ZCCHC14: variants seen among roughly 807,000 people sequenced by gnomAD.
The protein encoded by ZCCHC14 is zinc finger CCHC-type containing 14.
A neutral mutation model predicts 85.0 loss-of-function variants in ZCCHC14; 16 were observed. The ratio of observed to expected loss-of-function variants is 0.19; its 90% CI spans 0.13 to 0.29. ZCCHC14 has a LOEUF of 0.29. Ranked by LOEUF, ZCCHC14 falls within the 10% of genes least tolerant of loss-of-function variation. The pLI, the probability that ZCCHC14 is intolerant of heterozygous loss-of-function variation, is 1.00. For missense variants in ZCCHC14, 1,303 were observed against 1,443.5 expected, an observed-to-expected ratio of 0.90 and a Z score of 1.58; for synonymous variants, 775 against 630.7, an observed-to-expected ratio of 1.23 and a Z score of -3.43.
In ZCCHC14 at chr16:87,433,891, G is replaced by A. The variant is rs554679797; in HGVS notation, c.695-690C>T. Among the ~76,000 whole-genome samples the A allele has an allele frequency of 1.4e-3, 211 of 151,976 alleles. 2 individuals are homozygous for A. Among genetic ancestry groups the A allele is most frequent in the African/African-American group, 4.5e-3 (187 of 41,436 alleles). On this transcript the variant is annotated intron_variant, in intron 2 of 12. Coordinates refer to ENST00000671377, the MANE Select transcript of ZCCHC14 (RefSeq NM_015144.3). ...ACTCCTGACCTCAGGTGATCCGCCC[G>A]CCTCAGCCTCCCAACGTGCTGGATT...
rs928033798 is a variant in ZCCHC14 at position 87,407,981 on chromosome 16, T to A, written c.*2299A>T. Reference sequence around the variant, plus strand: ...CGACTTCGGACGGCCTCCCTGGAGATGTCACACGCCGCCCATGCACGTTCA... The same window carrying A: ...CGACTTCGGACGGCCTCCCTGGAGAAGTCACACGCCGCCCATGCACGTTCA... On this transcript the variant is annotated 3_prime_UTR_variant, in exon 13 of 13. Transcript: ENST00000671377. 1 of 152,694 alleles carries A rather than the reference T, an allele frequency of 6.5e-6. No homozygotes were observed. The highest frequency in any genetic ancestry group is 1.5e-5 in the Non-Finnish European group (1 of 68,078). 9.5% of individuals were successfully genotyped at this position (152,694 alleles called of 1,614,324 possible). A position where few individuals can be genotyped will look rare whatever the true frequency, so the allele number is the denominator to read the frequency against.
chr16:87,414,610 G>C, intron 9 of ZCCHC14, 69 bp from the exon 10 acceptor site: 1 of 1,534,654 alleles, frequency 6.5e-7, no homozygotes, highest in Non-Finnish European at 8.8e-7. Context: ...GCGGCTTCAA[G>C]ACGGGTCTAC....
At position 87,412,116 on chromosome 16, in the gene ZCCHC14, T is replaced by C; in HGVS notation, c.2605A>G (p.Ser869Gly). The change falls in exon 12 of 13, where the codon AGC becomes GGC. Residue 869 changes from serine (S) to glycine (G), a missense_variant. Transcript: ENST00000671377. ...TLPSCPAPSS[S>G]PALSSVPESS... ...TCAGGGACGGAGGACAGCGCCGGGC[T>C]GGAGCTGGGGGCTGGGCAGCTGGGC... 1 of 1,613,654 alleles carries C rather than the reference T, an allele frequency of 6.2e-7. No individual in the cohort carries two copies. Among genetic ancestry groups the C allele is most frequent in the East Asian group, 2.2e-5 (1 of 44,874 alleles).
chr16:87,430,900 G>T (rs1410147054), intron 3 of ZCCHC14, among the ~76,000 whole-genome samples: 1 of 152,158 alleles, frequency 6.6e-6, no homozygotes, highest in East Asian at 1.9e-4. Context: ...AGCACTTTGG[G>T]AGGCTGAGGC....
chr16:87,450,881 A>C (rs929347648), intron 2 of ZCCHC14, among the ~76,000 whole-genome samples: 2 of 150,536 alleles, frequency 1.3e-5, no homozygotes, highest in Non-Finnish European at 3.0e-5. Flanking sequence ...AGTAGCAAAA[A>C]CAGGAAGTGA....
intron 5 of ZCCHC14, 21 bp from the exon 6 acceptor site, chr16:87,419,898 C>CT: frequency 3.2e-6 from 5 of 1,571,006 alleles, no homozygotes; most frequent in Non-Finnish European, 3.4e-6. Context: ...AACAAGTGGT[C>CT]TTATCAACAT....
At chr16:87,430,679 G>A (rs918741870) in intron 3 of ZCCHC14, among the ~76,000 whole-genome samples, 1 of 151,944 alleles carries the variant, frequency 6.6e-6, no homozygotes, top group African/African-American at 2.4e-5. Flanking sequence ...CCGCCACCGC[G>A]CCCGGCTAAT....
Position 87,412,127 on chromosome 16 carries a change from G to T in ZCCHC14, c.2594C>A (p.Ala865Asp), listed in dbSNP as rs1251303781. The change falls in exon 12 of 13, where the codon GCC (alanine) becomes GAC (aspartate). Residue 865 changes from alanine to aspartate, a missense_variant. By Grantham distance (126) the Ala-to-Asp change is moderately radical (BLOSUM62 -2). This residue lies in a region of ZCCHC14 where 797 missense variants were observed against 730.8 expected (regional missense o/e 1.09). Transcript: ENST00000671377. Reference protein sequence around the residue: ...ANMATLPSCPAPSSSPALSSV... With the variant: ...ANMATLPSCPDPSSSPALSSV... Reference sequence around the variant, plus strand: ...GGACAGCGCCGGGCTGGAGCTGGGGGCTGGGCAGCTGGGCAACGTGGCCAT... The same window carrying T: ...GGACAGCGCCGGGCTGGAGCTGGGGTCTGGGCAGCTGGGCAACGTGGCCAT... The T allele has an allele frequency of 6.2e-7, 1 of 1,613,650 alleles. No individual in the cohort carries two copies. The highest frequency in any genetic ancestry group is 1.3e-5 in the African/African-American group (1 of 74,930).
In ZCCHC14 at chr16:87,412,729, C is replaced by T. The variant is rs767366524; in HGVS notation, c.1992G>A (p.Ser664=). 99 of 1,614,104 alleles carry T rather than the reference C, an allele frequency of 6.1e-5. No individual in the cohort carries two copies. The highest frequency in any genetic ancestry group is 2.5e-4 in the East Asian group (11 of 44,894). Reference sequence around the variant, plus strand: ...GAGACAAAAGTGAGTGCACAGAAGACGAGAGGAGCTTCATGTCCGCGCTCC... The same window carrying T: ...GAGACAAAAGTGAGTGCACAGAAGATGAGAGGAGCTTCATGTCCGCGCTCC... ...ERGSADMKLL[S]SSVHSLLSLE... Residue 664 remains serine, a synonymous_variant, in exon 12 of 13, where the codon TCG becomes TCA. Coordinates refer to ENST00000671377, the MANE Select transcript of ZCCHC14 (RefSeq NM_015144.3).
chr16:87,427,284 C>T (rs1909420385), intron 3 of ZCCHC14, among the ~76,000 whole-genome samples: 1 of 152,222 alleles, frequency 6.6e-6, no homozygotes, highest in Non-Finnish European at 1.5e-5. Context: ...AATCACTGGG[C>T]CCTCTGCTGT....
At chr16:87,442,064 C>A (rs934077477) in intron 2 of ZCCHC14, among the ~76,000 whole-genome samples, 2 of 152,246 alleles carry the variant, frequency 1.3e-5, no homozygotes, top group Non-Finnish European at 2.9e-5. Context: ...CCCCTGGGAA[C>A]TGGAAGTACA....
At chr16:87,445,268 T>C (rs906065822) in intron 2 of ZCCHC14, among the ~76,000 whole-genome samples, 1 of 152,244 alleles carries the variant, frequency 6.6e-6, no homozygotes, top group Non-Finnish European at 1.5e-5. Context: ...GGTTTCACCA[T>C]GTTGACCAGG....
intron 2 of ZCCHC14, among the ~76,000 whole-genome samples, chr16:87,443,882 C>A (rs1910303100): frequency 6.6e-6 from 1 of 151,864 alleles, no homozygotes; most frequent in Non-Finnish European, 1.5e-5. Context: ...ACTAAAAATA[C>A]AAAAATTAAC....
intron 2 of ZCCHC14, among the ~76,000 whole-genome samples, chr16:87,457,035 TAAATCATCAAC>T (rs890661181): frequency 1.3e-5 from 2 of 152,178 alleles, no homozygotes; most frequent in Non-Finnish European, 2.9e-5. Flanking sequence ...TAAGTTTCAG[TAAATCATCAAC>T]ACAGGGACTG....
chr16:87,419,852 C>G lies in ZCCHC14; in HGVS notation c.976G>C (p.Val326Leu). Residue 326 changes from valine to leucine, a missense_variant, in exon 6 of 13, where the codon GTG becomes CTG. Val to Leu is a conservative substitution (Grantham distance 32). Coordinates refer to ENST00000671377, the MANE Select transcript of ZCCHC14 (RefSeq NM_015144.3). ...CTCCTGACATGGTCATTTTTCAACA[C>G]GTGAGAAGGTAATGAGGCCAGGTAC... ...LRYLASLPSH[V>L]LKNDHVRRFL... is the part of the protein sequence containing the mutation. 1 of 1,612,180 alleles carries G rather than the reference C, an allele frequency of 6.2e-7. No homozygotes were observed. The highest frequency in any genetic ancestry group is 8.5e-7 in the Non-Finnish European group (1 of 1,179,228).
chr16:87,462,201 A>AGG (rs1170725888), intron 1 of ZCCHC14, among the ~76,000 whole-genome samples: 1 of 152,022 alleles, frequency 6.6e-6, no homozygotes, highest in African/African-American at 2.4e-5. Flanking sequence ...ACATGTTATC[A>AGG]AGAAAATAAA....
intron 1 of ZCCHC14, among the ~76,000 whole-genome samples, chr16:87,478,500 G>A (rs942695610): frequency 6.6e-6 from 1 of 152,200 alleles, no homozygotes; most frequent in Admixed American, 6.5e-5. Flanking sequence ...CAGAGGTGGT[G>A]TGCAAGTTCT....
At chr16:87,436,097 C>G (rs535146454) in intron 2 of ZCCHC14, among the ~76,000 whole-genome samples, 1 of 152,182 alleles carries the variant, frequency 6.6e-6, no homozygotes, top group Admixed American at 6.5e-5. Flanking sequence ...ACCTCATGTC[C>G]CAGGACTGAA....
In ZCCHC14 at chr16:87,419,017, T is replaced by C; in HGVS notation, c.1046-116A>G. 3 of 974,134 alleles carry C rather than the reference T, an allele frequency of 3.1e-6. No individual in the cohort carries two copies. The South Asian group carries it at 4.6e-5, about 15-fold the overall frequency. The allele number at this position is 974,134 out of a possible 1,614,324, so 60.3% of individuals were successfully genotyped here. ...TGTTGCCCAGGCTGGAGAGCAATGGTGCGATCTCGGCTCACTGCAACCTCT... is the reference window on the plus strand; with the variant it reads ...TGTTGCCCAGGCTGGAGAGCAATGGCGCGATCTCGGCTCACTGCAACCTCT... On this transcript the variant is annotated intron_variant, in intron 6 of 12. Coordinates refer to ENST00000671377, the MANE Select transcript of ZCCHC14 (RefSeq NM_015144.3).
Sources: gnomAD v4.1 joint callset for allele counts (sites outside exome capture counted in the v4.1 genomes callset) on GRCh38, gnomAD v4.1.1 for gene constraint, gnomAD v4.1.1 regional missense constraint, MANE v1.5 for transcripts, NCBI Gene and HGNC (gene_info 2026-07-23, HGNC 2026-07-21) for gene names.